GALNT13: variants seen among roughly 807,000 people sequenced by gnomAD.
GALNT13 encodes polypeptide N-acetylgalactosaminyltransferase 13, also known as UDP-GalNAc:polypeptide N-acetylgalactosaminyltransferase 13.
In GALNT13, 28 loss-of-function variants were observed where a neutral mutation model predicts 64.2. The observed-to-expected ratio is 0.44, with a 90% CI of 0.32 to 0.60. The LOEUF is 0.60. Ranked by LOEUF, GALNT13 falls within the 20% of genes least tolerant of loss-of-function variation. The pLI is 0.05. For missense variants in GALNT13, 577 were observed against 669.8 expected (o/e 0.86, Z 1.53); for synonymous variants, 214 against 224.6 (o/e 0.95, Z 0.42).
the GALNT13 span, among the ~76,000 whole-genome samples, chr2:153,099,547 TA>T: frequency 2.0e-5 from 3 of 152,210 alleles, no homozygotes; most frequent in Non-Finnish European, 2.9e-5. Context: ...AAGATTTTAT[TA>T]AAATATTTAG....
chr2:153,343,254 T>A, the GALNT13 span, among the ~76,000 whole-genome samples: 1 of 152,194 alleles, frequency 6.6e-6, no homozygotes, highest in Non-Finnish European at 1.5e-5. Context: ...TGCTTTTCTG[T>A]ATTACCATAT....
At chr2:153,149,706 A>G in the GALNT13 span, among the ~76,000 whole-genome samples, 1 of 151,546 alleles carries the variant, frequency 6.6e-6, no homozygotes, top group African/African-American at 2.4e-5. Context: ...TTACCACAGC[A>G]TAGCCTACTG....
At chr2:154,004,608 C>G (rs927842745) in intron 3 of GALNT13, among the ~76,000 whole-genome samples, 1 of 152,140 alleles carries the variant, frequency 6.6e-6, no homozygotes, top group Non-Finnish European at 1.5e-5. Context: ...AGATTGATCT[C>G]TTAGTGTTTT....
chr2:153,334,797 G>A, the GALNT13 span, among the ~76,000 whole-genome samples: 1 of 152,030 alleles, frequency 6.6e-6, no homozygotes, highest in African/African-American at 2.4e-5. Context: ...TAAATACAGT[G>A]TTCATTTCTC....
chr2:154,414,540 G>A (rs1056956441), intron 11 of GALNT13, among the ~76,000 whole-genome samples: 2 of 151,064 alleles, frequency 1.3e-5, no homozygotes, highest in East Asian at 3.9e-4. Context: ...TGCCATTTTA[G>A]TATGGGAGAA....
At chr2:154,150,224 T>A (rs1683904422) in intron 4 of GALNT13, among the ~76,000 whole-genome samples, 1 of 152,226 alleles carries the variant, frequency 6.6e-6, no homozygotes, top group South Asian at 2.1e-4. Context: ...ATATACTGGA[T>A]TACATTTATT....
the GALNT13 span, among the ~76,000 whole-genome samples, chr2:153,494,659 C>A: frequency 6.6e-6 from 1 of 151,590 alleles, no homozygotes; most frequent in Non-Finnish European, 1.5e-5. Context: ...AATATTTCAA[C>A]AAAGAAATAG....
At chr2:153,173,818 A>G in the GALNT13 span, among the ~76,000 whole-genome samples, 1 of 152,188 alleles carries the variant, frequency 6.6e-6, no homozygotes, top group Admixed American at 6.5e-5. Flanking sequence ...CAAATCAATT[A>G]TGGGTGAGAC....
At chr2:153,690,519 A>G in the GALNT13 span, among the ~76,000 whole-genome samples, 1 of 152,144 alleles carries the variant, frequency 6.6e-6, no homozygotes, top group Non-Finnish European at 1.5e-5. Context: ...AATTATGACC[A>G]GGAGGTACCC....
the GALNT13 span, among the ~76,000 whole-genome samples, chr2:153,806,875 C>A: frequency 6.6e-6 from 1 of 151,692 alleles, no homozygotes; most frequent in Non-Finnish European, 1.5e-5. Context: ...AAAAGTTAGT[C>A]AATGCCACAG....
At chr2:153,981,642 A>C (rs1040198247) in intron 3 of GALNT13, among the ~76,000 whole-genome samples, 6 of 152,026 alleles carry the variant, frequency 3.9e-5, no homozygotes, top group African/African-American at 1.2e-4. Context: ...GTTGTTTCCA[A>C]GTCTTTGCTA....
At chr2:153,819,600 C>T in the GALNT13 span, among the ~76,000 whole-genome samples, 2 of 152,302 alleles carry the variant, frequency 1.3e-5, no homozygotes, top group South Asian at 4.1e-4. Flanking sequence ...ACAACACTGT[C>T]CAGCCCTTCA....
At chr2:153,845,096 G>A in the GALNT13 span, among the ~76,000 whole-genome samples, 1 of 152,020 alleles carries the variant, frequency 6.6e-6, no homozygotes, top group African/African-American at 2.4e-5. Flanking sequence ...TTCAACTTTG[G>A]CATGTTACCA....
At chr2:153,968,667 A>T (rs144664408) in intron 3 of GALNT13, among the ~76,000 whole-genome samples, 1 of 152,296 alleles carries the variant, frequency 6.6e-6, no homozygotes, top group African/African-American at 2.4e-5. Context: ...CTTCCTCTGA[A>T]AAGTAGTTTC....
the GALNT13 span, among the ~76,000 whole-genome samples, chr2:153,539,992 G>A: frequency 6.6e-6 from 1 of 152,220 alleles, no homozygotes; most frequent in Non-Finnish European, 1.5e-5. Flanking sequence ...CAAGCCAGCT[G>A]CAGAAACGTG....
intron 10 of GALNT13, among the ~76,000 whole-genome samples, chr2:154,399,313 A>T (rs1343270926): frequency 1.3e-5 from 2 of 152,142 alleles, no homozygotes; most frequent in Admixed American, 1.3e-4. Flanking sequence ...TGCTATACCA[A>T]AATACCTTAG....
intron 9 of GALNT13, among the ~76,000 whole-genome samples, chr2:154,375,665 G>T (rs1216785135): frequency 1.3e-5 from 2 of 151,690 alleles, no homozygotes; most frequent in African/African-American, 4.8e-5. Context: ...CACCTCATGG[G>T]GGTCAAGACA....
the GALNT13 span, among the ~76,000 whole-genome samples, chr2:153,622,366 G>A: frequency 6.6e-6 from 1 of 152,110 alleles, no homozygotes; most frequent in African/African-American, 2.4e-5. Context: ...CAAGAATAAG[G>A]TTATATTTTG....
chr2:153,290,662 C>T, the GALNT13 span, among the ~76,000 whole-genome samples: 2 of 152,148 alleles, frequency 1.3e-5, no homozygotes, highest in African/African-American at 4.8e-5. Context: ...TGTAGAATAA[C>T]TACTGAGGAC....
Sources: gnomAD v4.1 joint callset for allele counts (sites outside exome capture counted in the v4.1 genomes callset) on GRCh38, gnomAD v4.1.1 for gene constraint, MANE v1.5 for transcripts, NCBI Gene and HGNC (gene_info 2026-07-23, HGNC 2026-07-21) for gene names.